SACS: variants seen among roughly 807,000 people sequenced by gnomAD.
The protein encoded by SACS is sacsin.
In SACS, 197 loss-of-function variants were observed where a neutral mutation model predicts 348.0. That is an observed-to-expected ratio of 0.57 (90% confidence interval 0.50 to 0.64). The LOEUF (loss-of-function observed/expected upper bound fraction) is 0.64. Among genes scored for constraint, SACS ranks in the 30% least tolerant of loss-of-function variants. The pLI is 0.00. For missense variants in SACS, 4,999 were observed against 5,360.8 expected (o/e 0.93, Z 2.11); for synonymous variants, 1,985 against 1,910.6 (o/e 1.04, Z -1.02).
At position 23,406,379 on chromosome 13, in the gene SACS, G is replaced by A. The variant is rs558568105; in HGVS notation, c.20+4841C>T. ...GAAACACCACACACCAGGGCCTGTCGGGGGGTGGGGATTAGGGGAGGGATA... is the reference window on the plus strand; with the variant it reads ...GAAACACCACACACCAGGGCCTGTCAGGGGGTGGGGATTAGGGGAGGGATA... On this transcript the variant is annotated intron_variant, in intron 2 of 9. Coordinates refer to ENST00000382292, the MANE Select transcript of SACS (RefSeq NM_014363.6). Among the ~76,000 whole-genome samples, 82 of 152,032 alleles carry A rather than the reference G, an allele frequency of 5.4e-4. 1 individual carries two copies. In the South Asian group the frequency reaches 6.7e-3, roughly 12 times the overall value.
intron 2 of SACS, among the ~76,000 whole-genome samples, chr13:23,410,669 TATATAA>T (rs1463268042): frequency 6.6e-6 from 1 of 152,100 alleles, no homozygotes. Flanking sequence ...AAGGAATAAT[TATATAA>T]ATATACATAC....
In SACS at chr13:23,336,906, G is replaced by T. The variant is rs1464201989; in HGVS notation, c.6970C>A (p.His2324Asn). 2 of 1,613,682 alleles carry T rather than the reference G, an allele frequency of 1.2e-6. No individual in the cohort carries two copies. Among genetic ancestry groups the T allele is most frequent in the African/African-American group, 2.7e-5 (2 of 74,920 alleles). Reference protein sequence around the residue: ...NITNACYKYLHEALMQNEITK... With the variant: ...NITNACYKYLNEALMQNEITK... ...ATTTCATTTTGCATCAAGGCTTCAT[G>T]AAGGTATTTGTAGCAAGCATTGGTG... The change falls in exon 10 of 10, where the codon CAT becomes AAT. Residue 2324 changes from histidine (H) to asparagine (N), a missense_variant. Around this residue, in one of 6 missense-constraint regions of SACS, gnomAD observed 3,156 missense variants for 3,380.1 expected, o/e 0.93. Transcript: ENST00000382292.
At position 23,334,470 on chromosome 13, in the gene SACS, C is replaced by G. The variant is rs781433022; in HGVS notation, c.9406G>C (p.Val3136Leu). 2 of 1,612,652 alleles carry G rather than the reference C, an allele frequency of 1.2e-6. No homozygotes were observed. Among genetic ancestry groups the G allele is most frequent in the South Asian group, 2.2e-5 (2 of 91,058 alleles). The stretch of plus-strand genomic sequence containing the variant: ...TCTGCATCTTTAAAACAATAATCAA[C>G]TAAAAGTTTTAAACTATGAAAAAGT... ...LKLFHSLKLL[V>L]DYCFKDAEEN... The change falls in exon 10 of 10, where the codon GTT becomes CTT. Residue 3136 changes from valine to leucine, a missense_variant. Val to Leu is a conservative substitution (Grantham distance 32, BLOSUM62 1). Around this residue, in one of 6 missense-constraint regions of SACS, gnomAD observed 734 missense variants for 694.0 expected, o/e 1.06. Coordinates refer to ENST00000382292, the MANE Select transcript of SACS (RefSeq NM_014363.6).
chr13:23,408,077 T>G (rs1873312685), intron 2 of SACS, among the ~76,000 whole-genome samples: 1 of 152,184 alleles, frequency 6.6e-6, no homozygotes, highest in African/African-American at 2.4e-5. Context: ...AAAGTAGTCC[T>G]GAGTAAAGTC....
Position 23,355,658 on chromosome 13 carries a change from T to C in SACS, c.954A>G (p.Leu318=), listed in dbSNP as rs147412202. 98 of 1,614,064 alleles carry C rather than the reference T, an allele frequency of 6.1e-5. No homozygotes were observed. The highest frequency in any genetic ancestry group is 1.8e-4 in the Admixed American group (11 of 59,998). ...CTGTTCCGTCAGCCTCTCGGACATA[T>C]AAGGAAACATCCTGCACACTTTTCA... ...LFLKSVQDVS[L]YVREADGTEK... is the part of the protein sequence containing the mutation. Residue 318 remains leucine, a synonymous_variant, in exon 8 of 10, where the codon TTA becomes TTG. Coordinates refer to ENST00000382292, the MANE Select transcript of SACS (RefSeq NM_014363.6).
At chr13:23,401,721 T>C (rs1872985270) in intron 2 of SACS, among the ~76,000 whole-genome samples, 1 of 152,246 alleles carries the variant, frequency 6.6e-6, no homozygotes, top group Non-Finnish European at 1.5e-5. Context: ...TGTTTTACTT[T>C]CTACTGTGAT....
intron 2 of SACS, among the ~76,000 whole-genome samples, chr13:23,381,624 A>C (rs893136818): frequency 6.6e-6 from 1 of 152,198 alleles, no homozygotes; most frequent in Admixed American, 6.5e-5. Context: ...CTCAGATAGA[A>C]TCCCTAGACG....
intron 9 of SACS, among the ~76,000 whole-genome samples, chr13:23,351,942 G>C (rs1869985472): frequency 6.6e-6 from 1 of 152,022 alleles, no homozygotes; most frequent in South Asian, 2.1e-4. Context: ...ATATAAAAGT[G>C]GGAAAATGCA....
intron 1 of SACS, among the ~76,000 whole-genome samples, chr13:23,420,709 C>A (rs998128776): frequency 6.6e-6 from 1 of 151,790 alleles, no homozygotes; most frequent in Non-Finnish European, 1.5e-5. Context: ...TTTCCCGGTG[C>A]CTGAGGACTT....
intron 9 of SACS, among the ~76,000 whole-genome samples, chr13:23,345,816 A>G (rs1566074725): frequency 6.6e-6 from 1 of 152,228 alleles, no homozygotes; most frequent in Non-Finnish European, 1.5e-5. Context: ...AATGATTTCT[A>G]TAAAGCAAAT....
At chr13:23,361,201 TGGCAGAACCAGGCAGA>T (rs1870714832) in intron 6 of SACS, among the ~76,000 whole-genome samples, 1 of 152,128 alleles carries the variant, frequency 6.6e-6, no homozygotes, top group Non-Finnish European at 1.5e-5. Context: ...GGCTGCTCAG[TGGCAGAACCAGGCAGA>T]GCATACAGAC....
At position 23,349,213 on chromosome 13, in the gene SACS, T is replaced by TAATA. The variant is rs1466261900; in HGVS notation, c.2185+4568_2185+4571dup. On this transcript the variant is annotated intron_variant, in intron 9 of 9. Transcript: ENST00000382292. ...ACATTACGAGAAATTAGAGGACCTG[T>TAATA]AATAGGCAGTGGAGTAAGACCAAGG... Among the ~76,000 whole-genome samples, 92 of 152,182 alleles carry TAATA rather than the reference T, an allele frequency of 6.0e-4. 1 individual carries two copies. The highest frequency in any genetic ancestry group is 6.0e-3 in the Admixed American group (91 of 15,282).
In SACS at chr13:23,335,003, T is replaced by C. The variant is rs11839380; in HGVS notation, c.8873A>G (p.Lys2958Arg). ...PIHVVKDTLK[K>R]FLSFFPVNRL... is the part of the protein sequence containing the mutation. ...GTTAACTGGGAAAAACGATAAAAACTTCTTTAAAGTGTCCTTTACAACATG... is the reference window on the plus strand; with the variant it reads ...GTTAACTGGGAAAAACGATAAAAACCTCTTTAAAGTGTCCTTTACAACATG... The change falls in exon 10 of 10, where the codon AAG (lysine) becomes AGG (arginine). Residue 2958 changes from lysine to arginine, a missense_variant. Coordinates refer to ENST00000382292, the MANE Select transcript of SACS (RefSeq NM_014363.6). This position sits in a 1 kb window ranked among gnomAD's most constrained non-coding sequence, Gnocchi z 4.7. The C allele has an allele frequency of 4.2e-3, 6,804 of 1,613,794 alleles. 254 individuals are homozygous for C. In the African/African-American group the frequency reaches 0.079, roughly 19 times the overall value.
At chr13:23,398,059 T>G (rs1002096415) in intron 2 of SACS, among the ~76,000 whole-genome samples, 4 of 151,370 alleles carry the variant, frequency 2.6e-5, no homozygotes, top group African/African-American at 9.7e-5. Flanking sequence ...GGCGTGGTGA[T>G]GCATGCCTGT....
chr13:23,356,432 CCA>C (rs1374165700), intron 7 of SACS, among the ~76,000 whole-genome samples: 1 of 152,186 alleles, frequency 6.6e-6, no homozygotes, highest in Non-Finnish European at 1.5e-5. Flanking sequence ...GTGACTCTGC[CCA>C]CTGTGTTGCT....
intron 1 of SACS, among the ~76,000 whole-genome samples, chr13:23,426,012 A>AG (rs1874158170): frequency 6.6e-6 from 1 of 152,226 alleles, no homozygotes; most frequent in African/African-American, 2.4e-5. Context: ...GTCTCATAAC[A>AG]GCCTAGTGAT....
intron 7 of SACS, 50 bp downstream of exon 7, chr13:23,358,285 G>A: frequency 6.3e-7 from 1 of 1,576,294 alleles, no homozygotes; most frequent in Non-Finnish European, 8.7e-7. Context: ...ATTACAGAAT[G>A]TAAGATATAA....
intron 2 of SACS, among the ~76,000 whole-genome samples, chr13:23,409,008 G>A (rs1177085639): frequency 7.0e-6 from 1 of 142,272 alleles, no homozygotes. Context: ...ATGAGACTAG[G>A]CATATTTATG....
intron 2 of SACS, among the ~76,000 whole-genome samples, chr13:23,399,156 C>T (rs12873367): frequency 0.15 from 23,363 of 152,044 alleles, 2,222 homozygotes; most frequent in Non-Finnish European, 0.21. Context: ...CGGCATCAGC[C>T]TGATGGCTAA....
Sources: allele counts gnomAD v4.1 joint callset (sites outside exome capture counted in the v4.1 genomes callset), GRCh38; gene constraint gnomAD v4.1.1; regional missense constraint gnomAD v4.1.1; non-coding constraint Gnocchi (gnomAD v3.1); transcripts MANE v1.5; gene names NCBI Gene and HGNC (gene_info 2026-07-23, HGNC 2026-07-21).